SUMF1: variants seen among roughly 807,000 people sequenced by gnomAD.
The protein encoded by SUMF1 is formylglycine-generating enzyme.
In SUMF1, 48 loss-of-function variants were observed where a neutral mutation model predicts 47.6. That is an observed-to-expected ratio of 1.01 (90% CI 0.80 to 1.28). SUMF1 has a LOEUF of 1.28. Among genes scored for constraint, SUMF1 ranks in the 50% most tolerant of loss-of-function variants. The pLI is 0.00. For synonymous variants in SUMF1, 230 were observed against 192.1 expected (o/e 1.20, Z -1.63); for missense variants, 571 against 485.4 (o/e 1.18, Z -1.66).
intron 3 of SUMF1, among the ~76,000 whole-genome samples, chr3:4,432,328 C>T (rs1702258877): frequency 6.6e-6 from 1 of 151,888 alleles, no homozygotes; most frequent in South Asian, 2.1e-4. Flanking sequence ...CTTCCTACCA[C>T]CTGGTTCCTC....
At chr3:4,232,710 A>G (rs1398300700) in intron 8 of SUMF1, among the ~76,000 whole-genome samples, 1 of 152,040 alleles carries the variant, frequency 6.6e-6, no homozygotes, top group African/African-American at 2.4e-5. Flanking sequence ...TTTTTTTAAA[A>G]GGCAGTCCGG....
intron 8 of SUMF1, among the ~76,000 whole-genome samples, chr3:4,271,850 G>A (rs1002989776): frequency 1.8e-4 from 27 of 151,994 alleles, no homozygotes; most frequent in Non-Finnish European, 3.2e-4. Flanking sequence ...CTTGTGCTCA[G>A]AAGTGTCCCT....
intron 8 of SUMF1, among the ~76,000 whole-genome samples, chr3:4,229,676 C>T (rs1290884813): frequency 1.3e-5 from 2 of 152,010 alleles, no homozygotes; most frequent in African/African-American, 4.8e-5. Context: ...GTCTGAAAAT[C>T]AGAATTTCCA....
At chr3:4,148,495 G>A (rs189071008) in intron 8 of SUMF1, among the ~76,000 whole-genome samples, 1 of 152,264 alleles carries the variant, frequency 6.6e-6, no homozygotes, top group East Asian at 1.9e-4. Flanking sequence ...TGTGCAAGTG[G>A]TTATTTTCTT....
intron 6 of SUMF1, among the ~76,000 whole-genome samples, chr3:4,415,675 T>C (rs1264171634): frequency 1.3e-5 from 2 of 152,112 alleles, no homozygotes; most frequent in African/African-American, 4.8e-5. Flanking sequence ...TAGCCAGGTG[T>C]GGTGGTGTGC....
intron 9 of SUMF1, among the ~76,000 whole-genome samples, chr3:4,065,764 G>C (rs940069406): frequency 6.6e-5 from 10 of 152,072 alleles, no homozygotes; most frequent in Non-Finnish European, 1.2e-4. Flanking sequence ...AGGAACATCA[G>C]CCCTGGTCCC....
At chr3:4,215,975 TTA>T (rs1204416945) in intron 8 of SUMF1, among the ~76,000 whole-genome samples, 1 of 152,118 alleles carries the variant, frequency 6.6e-6, no homozygotes, top group Non-Finnish European at 1.5e-5. Flanking sequence ...CCAAAGTAAT[TTA>T]TAGATTCAAT....
At chr3:4,077,711 C>A (rs955404478) in intron 8 of SUMF1, among the ~76,000 whole-genome samples, 1 of 151,936 alleles carries the variant, frequency 6.6e-6, no homozygotes, top group African/African-American at 2.4e-5. Flanking sequence ...ATGTAAATGT[C>A]GAGTTCATGG....
At chr3:4,077,130 G>A (rs1325810259) in intron 8 of SUMF1, among the ~76,000 whole-genome samples, 1 of 152,120 alleles carries the variant, frequency 6.6e-6, no homozygotes, top group East Asian at 1.9e-4. Context: ...CAGTTAGAAT[G>A]GTGATCGTTA....
At chr3:4,269,478 T>A (rs1163285355) in intron 8 of SUMF1, among the ~76,000 whole-genome samples, 1 of 152,208 alleles carries the variant, frequency 6.6e-6, no homozygotes, top group Non-Finnish European at 1.5e-5. Context: ...TAGTCATGAA[T>A]CATAATTAAA....
rs1176844512 is a variant in SUMF1 at position 4,163,380 on chromosome 3, AAGGGAGGGAGGGAGGGAGGGAGGG to A, written c.1015-94659_1015-94636del. Among the ~76,000 whole-genome samples, 90 of 22,756 alleles carry A rather than the reference AAGGGAGGGAGGGAGGGAGGGAGGG, an allele frequency of 4.0e-3. 1 individual carries two copies. The highest frequency in any genetic ancestry group is 5.5e-3 in the Non-Finnish European group (60 of 10,986). 14.9% of individuals were successfully genotyped at this position (22,756 alleles called of 152,430 possible). ...AGAGAGAGAAAGGAAGGAAGGAAGGAAGGGAGGGAGGGAGGGAGGGAGGGAGGGAGGGAGGGAGGGAGGGAGGGA... is the reference window on the plus strand; with the variant it reads ...AGAGAGAGAAAGGAAGGAAGGAAGGAAGGGAGGGAGGGAGGGAGGGAGGGA... On this transcript the variant is annotated intron_variant and NMD_transcript_variant, in intron 8 of 12. Transcript: ENST00000448413.
At chr3:4,379,071 C>T (rs777925135) in intron 7 of SUMF1, among the ~76,000 whole-genome samples, 1 of 152,186 alleles carries the variant, frequency 6.6e-6, no homozygotes, top group Non-Finnish European at 1.5e-5. Flanking sequence ...GGTGACTGCT[C>T]AGCTGCTTCT....
At chr3:4,378,114 T>C (rs906938936) in intron 7 of SUMF1, among the ~76,000 whole-genome samples, 1 of 152,208 alleles carries the variant, frequency 6.6e-6, no homozygotes, top group Non-Finnish European at 1.5e-5. Flanking sequence ...GTTGAAAATA[T>C]TATTAAGTCA....
At chr3:4,278,482 C>G (rs1483460463) in intron 8 of SUMF1, among the ~76,000 whole-genome samples, 1 of 152,074 alleles carries the variant, frequency 6.6e-6, no homozygotes, top group Non-Finnish European at 1.5e-5. Flanking sequence ...TACAGGATGA[C>G]TTGCTTAATT....
At chr3:4,251,900 T>TAACACTGTTA (rs1696810447) in intron 8 of SUMF1, among the ~76,000 whole-genome samples, 1 of 152,210 alleles carries the variant, frequency 6.6e-6, no homozygotes, top group Non-Finnish European at 1.5e-5. Flanking sequence ...TCTACATTTT[T>TAACACTGTTA]AGAGATAATG....
chr3:4,209,255 A>G (rs941497805), intron 8 of SUMF1, among the ~76,000 whole-genome samples: 2 of 152,174 alleles, frequency 1.3e-5, no homozygotes, highest in Non-Finnish European at 1.5e-5. Context: ...TACTATAAAG[A>G]TTTTTAAAAT....
At chr3:4,169,119 A>C (rs1253359948) in intron 8 of SUMF1, among the ~76,000 whole-genome samples, 2 of 152,174 alleles carry the variant, frequency 1.3e-5, no homozygotes, top group Non-Finnish European at 2.9e-5. Flanking sequence ...CCCAGAGGTA[A>C]ATATTGCATT....
chr3:4,088,402 T>C (rs17039837), intron 8 of SUMF1, among the ~76,000 whole-genome samples: 7,349 of 152,124 alleles, frequency 0.048, 613 homozygotes, highest in African/African-American at 0.17. Flanking sequence ...AAATGTTTTG[T>C]GAACAACTAT....
At chr3:4,218,088 C>A (rs1429666981) in intron 8 of SUMF1, among the ~76,000 whole-genome samples, 2 of 151,928 alleles carry the variant, frequency 1.3e-5, no homozygotes, top group Non-Finnish European at 2.9e-5. Context: ...GAGGCTTTAA[C>A]TGTATCTTTA....
Sources: allele counts gnomAD v4.1 joint callset (sites outside exome capture counted in the v4.1 genomes callset), GRCh38; gene constraint gnomAD v4.1.1; transcripts MANE v1.5; gene names NCBI Gene and HGNC (gene_info 2026-07-23, HGNC 2026-07-21).